The following LDB2 variants were observed in gnomAD, a reference collection of about 807,000 sequenced individuals.
LDB2 encodes the protein LIM domain-binding protein 2.
In LDB2, 12 loss-of-function variants were observed where a neutral mutation model predicts 44.3. The ratio of observed to expected loss-of-function variants is 0.27; its 90% CI spans 0.17 to 0.44. The LOEUF (loss-of-function observed/expected upper bound fraction) is 0.44. Among genes scored for constraint, LDB2 ranks in the 20% least tolerant of loss-of-function variants. The pLI, the probability that LDB2 is intolerant of heterozygous loss-of-function variation, is 1.00. For synonymous variants in LDB2, 164 were observed against 174.8 expected (o/e 0.94, Z 0.49); for missense variants, 344 against 473.5 (o/e 0.73, Z 2.54).
intron 2 of LDB2, among the ~76,000 whole-genome samples, chr4:16,666,659 C>A (rs1294848660): frequency 6.6e-6 from 1 of 152,198 alleles, no homozygotes; most frequent in Non-Finnish European, 1.5e-5. Context: ...CAGTTACCTG[C>A]TGCGAGGTAA....
At chr4:16,708,566 ACTT>A (rs1051161493) in intron 2 of LDB2, among the ~76,000 whole-genome samples, 3 of 152,116 alleles carry the variant, frequency 2.0e-5, no homozygotes, top group Admixed American at 6.6e-5. Context: ...CCTGAGAGAA[ACTT>A]CTTCTTCAGC....
rs764464967 is a variant in LDB2 at position 16,629,677 on chromosome 4, C to T, written c.236-33802G>A. On this transcript the variant is annotated intron_variant, in intron 2 of 7. Transcript: ENST00000304523. ...CATGTTCTAATCCACTGCAAGGGAGCTAAAAACCTTGAAAAAAGGTTAGAA... is the reference window on the plus strand; with the variant it reads ...CATGTTCTAATCCACTGCAAGGGAGTTAAAAACCTTGAAAAAAGGTTAGAA... Among the ~76,000 whole-genome samples the T allele has an allele frequency of 6.6e-5, 10 of 151,952 alleles. No homozygotes were observed. In the East Asian group the frequency reaches 9.6e-4, roughly 15 times the overall value.
At chr4:16,800,150 GA>G (rs5856385) in intron 1 of LDB2, among the ~76,000 whole-genome samples, 120,328 of 150,490 alleles carry the variant, frequency 0.8, 49,603 homozygotes, top group Middle Eastern at 0.93. Context: ...TTACTGTCAG[GA>G]AAAAAAAAAA....
chr4:16,508,267 G>A (rs374986509), intron 7 of LDB2, among the ~76,000 whole-genome samples: 8 of 152,118 alleles, frequency 5.3e-5, no homozygotes, highest in South Asian at 2.1e-4. Context: ...CATATCTCCT[G>A]TCTGTGACTC....
intron 2 of LDB2, among the ~76,000 whole-genome samples, chr4:16,727,032 T>G (rs1561011491): frequency 6.6e-6 from 1 of 152,192 alleles, no homozygotes; most frequent in Non-Finnish European, 1.5e-5. Context: ...GGTGGCTTGA[T>G]GGTAAGTTAG....
At chr4:16,807,282 A>G (rs2109810713) in intron 1 of LDB2, among the ~76,000 whole-genome samples, 1 of 152,356 alleles carries the variant, frequency 6.6e-6, no homozygotes, top group East Asian at 1.9e-4. Flanking sequence ...TTATTATTAT[A>G]TTCATAAGTA....
chr4:16,578,238 A>G (rs1486001352), intron 5 of LDB2, among the ~76,000 whole-genome samples: 1 of 152,218 alleles, frequency 6.6e-6, no homozygotes, highest in East Asian at 1.9e-4. Flanking sequence ...TCTGCACAGC[A>G]AAGGAAACAA....
chr4:16,865,960 G>A (rs1714571208), intron 1 of LDB2, among the ~76,000 whole-genome samples: 1 of 152,168 alleles, frequency 6.6e-6, no homozygotes, highest in South Asian at 2.1e-4. Flanking sequence ...TTCCCCTGGA[G>A]AAACTTCCTC....
At chr4:16,633,679 C>T (rs1732690813) in intron 2 of LDB2, among the ~76,000 whole-genome samples, 2 of 152,168 alleles carry the variant, frequency 1.3e-5, no homozygotes, top group Non-Finnish European at 2.9e-5. Flanking sequence ...TGAAAATGGC[C>T]TCACTGCCCA....
At chr4:16,717,183 T>TG (rs1553981597) in intron 2 of LDB2, among the ~76,000 whole-genome samples, 14,947 of 139,936 alleles carry the variant, frequency 0.11, 941 homozygotes, top group Admixed American at 0.18. Context: ...ATAATAATAA[T>TG]AATAATGATG....
At chr4:16,820,909 C>T (rs1020772944) in intron 1 of LDB2, among the ~76,000 whole-genome samples, 2 of 152,108 alleles carry the variant, frequency 1.3e-5, no homozygotes, top group South Asian at 2.1e-4. Context: ...TTTCCCCCAC[C>T]GCTCCCCAAA....
chr4:16,693,629 G>C (rs891637028), intron 2 of LDB2, among the ~76,000 whole-genome samples: 1 of 152,088 alleles, frequency 6.6e-6, no homozygotes, highest in African/African-American at 2.4e-5. Flanking sequence ...TGCTGAATCT[G>C]ATCACCTTCT....
intron 5 of LDB2, among the ~76,000 whole-genome samples, chr4:16,524,658 T>C (rs1173587045): frequency 1.3e-5 from 2 of 152,146 alleles, no homozygotes; most frequent in African/African-American, 4.8e-5. Flanking sequence ...AAACATTCTG[T>C]GTGTGATAAA....
chr4:16,606,927 T>C (rs941117954), intron 2 of LDB2, among the ~76,000 whole-genome samples: 1 of 152,204 alleles, frequency 6.6e-6, no homozygotes, highest in African/African-American at 2.4e-5. Flanking sequence ...AACAGACATA[T>C]GTGTGTAATT....
In LDB2 at chr4:16,813,992, C is replaced by A. The variant is rs558875531; in HGVS notation, c.133-54732G>T. Among the ~76,000 whole-genome samples, 4 of 152,090 alleles carry A rather than the reference C, an allele frequency of 2.6e-5. No individual in the cohort carries two copies. In the South Asian group the frequency reaches 8.3e-4, roughly 32 times the overall value. On this transcript the variant is annotated intron_variant, in intron 1 of 7. Coordinates refer to ENST00000304523, the MANE Select transcript of LDB2 (RefSeq NM_001290.5). ...GTTCAGGCCATTCTCCTGCCTCAGC[C>A]TCCCGAGTAGCTGGGACTACAGGCG...
chr4:16,547,094 T>C (rs1389240267), intron 5 of LDB2, among the ~76,000 whole-genome samples: 2 of 152,330 alleles, frequency 1.3e-5, no homozygotes, highest in South Asian at 4.1e-4. Context: ...GATATAATAC[T>C]GGATTTAGGA....
At chr4:16,518,953 G>T (rs926447493) in intron 5 of LDB2, among the ~76,000 whole-genome samples, 14 of 152,124 alleles carry the variant, frequency 9.2e-5, no homozygotes, top group Non-Finnish European at 1.9e-4. Flanking sequence ...GTCCTCCAAG[G>T]TCCAGCTCAA....
At chr4:16,716,381 G>A (rs148110977) in intron 2 of LDB2, among the ~76,000 whole-genome samples, 1 of 152,290 alleles carries the variant, frequency 6.6e-6, no homozygotes, top group African/African-American at 2.4e-5. Context: ...GGATGAAGTG[G>A]AGAATTTGTT....
chr4:16,720,387 G>A lies in LDB2; in HGVS notation c.235+38771C>T, dbSNP rs551778932. ...AGCTCACACCTGAAAGTTCCAGCTC[G>A]CTCATCTCCATTGGCCTGCCAAATA... On this transcript the variant is annotated intron_variant, in intron 2 of 7. Coordinates refer to ENST00000304523, the MANE Select transcript of LDB2 (RefSeq NM_001290.5). Among the ~76,000 whole-genome samples, 16 of 152,192 alleles carry A rather than the reference G, an allele frequency of 1.1e-4. No homozygotes were observed. In the South Asian group the frequency reaches 3.3e-3, roughly 32 times the overall value.
Sources: allele counts gnomAD v4.1 joint callset (sites outside exome capture counted in the v4.1 genomes callset), GRCh38; gene constraint gnomAD v4.1.1; transcripts MANE v1.5; gene names NCBI Gene and HGNC (gene_info 2026-07-23, HGNC 2026-07-21).